Variants in ZNF469 observed in about 807,000 individuals in gnomAD.
The protein encoded by ZNF469 is zinc finger protein 469.
A neutral mutation model predicts 1.0 loss-of-function variants in ZNF469; 1 was observed. The observed-to-expected ratio is 1.00, with a 90% CI of 0.35 to 4.73. ZNF469 has a LOEUF of 4.73. Among genes scored for constraint, ZNF469 ranks in the 30% most tolerant of loss-of-function variants. The pLI, the probability that ZNF469 is intolerant of heterozygous loss-of-function variation, is 0.16. For missense variants in ZNF469, 6,100 were observed against 5,356.3 expected, an observed-to-expected ratio of 1.14 and a Z score of -4.33; for synonymous variants, 2,703 against 2,363.4, an observed-to-expected ratio of 1.14 and a Z score of -4.17.
chr16:88,106,474 A>G, the ZNF469 span, among the ~76,000 whole-genome samples: 1 of 152,168 alleles, frequency 6.6e-6, no homozygotes, highest in Non-Finnish European at 1.5e-5. Context: ...CTCCTGCCTA[A>G]TTTTCTTTTG....
the ZNF469 span, among the ~76,000 whole-genome samples, chr16:88,287,334 A>C: frequency 6.6e-6 from 1 of 152,206 alleles, no homozygotes; most frequent in Non-Finnish European, 1.5e-5. Flanking sequence ...AAGTCTCCTG[A>C]TGTGTGGCAC....
chr16:88,304,724 C>T, the ZNF469 span, among the ~76,000 whole-genome samples: 3 of 152,218 alleles, frequency 2.0e-5, no homozygotes, highest in Non-Finnish European at 4.4e-5. Context: ...TCCCAAAGAG[C>T]ATCTGCTCCT....
the ZNF469 span, among the ~76,000 whole-genome samples, chr16:88,166,813 A>T: frequency 6.6e-6 from 1 of 152,186 alleles, no homozygotes; most frequent in Non-Finnish European, 1.5e-5. The surrounding 1 kb of genome is among the most constrained non-coding windows in gnomAD (Gnocchi z 4.5). Flanking sequence ...ATACATATAA[A>T]TGTATATAAA....
At chr16:88,329,863 G>C in the ZNF469 span, among the ~76,000 whole-genome samples, 4 of 152,322 alleles carry the variant, frequency 2.6e-5, no homozygotes, top group East Asian at 5.8e-4. Flanking sequence ...GAGCAGAGAT[G>C]GCCTCAGCCC....
chr16:88,369,345 A>C, the ZNF469 span, among the ~76,000 whole-genome samples: 1 of 152,200 alleles, frequency 6.6e-6, no homozygotes. Flanking sequence ...ACCTGTTGGG[A>C]CTAAAGCCCC....
At chr16:88,125,754 A>G in the ZNF469 span, among the ~76,000 whole-genome samples, 1 of 152,022 alleles carries the variant, frequency 6.6e-6, no homozygotes, top group African/African-American at 2.4e-5. Context: ...TCACTTGCAA[A>G]TGATATTTTA....
At chr16:88,395,149 T>C (rs1390887813) in intron 1 of ZNF469, among the ~76,000 whole-genome samples, 10 of 152,168 alleles carry the variant, frequency 6.6e-5, no homozygotes, top group Admixed American at 3.9e-4. Context: ...CAGGAGGAAC[T>C]TTCTCTTATG....
the ZNF469 span, among the ~76,000 whole-genome samples, chr16:88,228,737 C>T: frequency 2.0e-5 from 3 of 152,204 alleles, no homozygotes; most frequent in East Asian, 5.8e-4. Flanking sequence ...CTTTGCTCCC[C>T]CTGTGAATTG....
At chr16:88,262,939 A>T in the ZNF469 span, among the ~76,000 whole-genome samples, 5 of 152,310 alleles carry the variant, frequency 3.3e-5, no homozygotes, top group African/African-American at 1.2e-4. The surrounding 1 kb of genome is among the most constrained non-coding windows in gnomAD (Gnocchi z 4.3). Flanking sequence ...GACCGGCTTG[A>T]GTGGGGCTGG....
the ZNF469 span, among the ~76,000 whole-genome samples, chr16:88,110,501 A>G: frequency 1.0e-3 from 156 of 152,320 alleles, no homozygotes; most frequent in African/African-American, 3.7e-3. Context: ...AGTAATGTCC[A>G]AGGCTCCCCT....
At chr16:88,296,395 G>A in the ZNF469 span, among the ~76,000 whole-genome samples, 1 of 150,756 alleles carries the variant, frequency 6.6e-6, no homozygotes, top group Non-Finnish European at 1.5e-5. Context: ...TGCACATACA[G>A]ACACATATGT....
the ZNF469 span, among the ~76,000 whole-genome samples, chr16:88,351,221 G>T: frequency 6.6e-6 from 1 of 152,212 alleles, no homozygotes; most frequent in African/African-American, 2.4e-5. Flanking sequence ...AAGGCTGGAC[G>T]GCTGCCCCCT....
the ZNF469 span, chr16:88,194,712 C>T: frequency 6.6e-6 from 1 of 152,368 alleles, no homozygotes; most frequent in African/African-American, 2.4e-5. Context: ...GTCAACATGT[C>T]AATTGACTTG....
the ZNF469 span, among the ~76,000 whole-genome samples, chr16:88,371,242 G>T: frequency 6.6e-6 from 1 of 152,258 alleles, no homozygotes; most frequent in East Asian, 1.9e-4. Flanking sequence ...TTCTGAGACA[G>T]GAAGAGGAGT....
At chr16:88,112,800 T>C in the ZNF469 span, among the ~76,000 whole-genome samples, 9 of 88,472 alleles carry the variant, frequency 1.0e-4, no homozygotes, top group South Asian at 4.3e-4. Context: ...TTTTTTGAGA[T>C]GGAGTCTTGC....
chr16:88,211,641 T>C, the ZNF469 span, among the ~76,000 whole-genome samples: 2 of 152,248 alleles, frequency 1.3e-5, no homozygotes, highest in Non-Finnish European at 2.9e-5. Flanking sequence ...ATGTGCATAC[T>C]TCAGGTGTTA....
chr16:88,286,343 A>T, the ZNF469 span, among the ~76,000 whole-genome samples: 1 of 152,206 alleles, frequency 6.6e-6, no homozygotes, highest in African/African-American at 2.4e-5. Flanking sequence ...CTGGCTGCTG[A>T]CATCTGCCGT....
chr16:88,333,526 G>A, the ZNF469 span, among the ~76,000 whole-genome samples: 1 of 149,924 alleles, frequency 6.7e-6, no homozygotes, highest in Non-Finnish European at 1.5e-5. Flanking sequence ...CGGAAGAGGG[G>A]CCCATGGGTG....
chr16:88,429,904 C>T lies in ZNF469; in HGVS notation c.2434C>T (p.Leu812=), dbSNP rs745749813. The T allele has an allele frequency of 1.3e-5, 20 of 1,550,126 alleles. No homozygotes were observed. Among genetic ancestry groups the T allele is most frequent in the Non-Finnish European group, 1.7e-5 (20 of 1,146,924 alleles). The change falls in exon 3 of 3, where the codon CTG becomes TTG. Residue 812 remains leucine, a synonymous_variant. Transcript: ENST00000565624. ...CCAGGCCGAGGGCAAAGACGACCCC[C>T]TGAGGACAGGCTTCCTGCCCAGCCT... ...DAQAEGKDDP[L]RTGFLPSLAA...
Sources: gnomAD v4.1 joint callset for allele counts (sites outside exome capture counted in the v4.1 genomes callset) on GRCh38, gnomAD v4.1.1 for gene constraint, Gnocchi (gnomAD v3.1) non-coding constraint, MANE v1.5 for transcripts, NCBI Gene and HGNC (gene_info 2026-07-23, HGNC 2026-07-21) for gene names.